The following NELL1 variants were observed in gnomAD, a reference collection of about 807,000 sequenced individuals.
NELL1 encodes the protein neural EGFL like 1, also known as protein kinase C-binding protein NELL1.
NELL1 carries 76 observed loss-of-function variants against 107.4 expected under a neutral mutation model. That is an observed-to-expected ratio of 0.71 (90% CI 0.59 to 0.86). The LOEUF (loss-of-function observed/expected upper bound fraction) is 0.86, where lower values mean the gene tolerates loss of function less well. NELL1 is among the 40% of genes least tolerant of loss of function. NELL1 has a pLI of 0.00. For synonymous variants in NELL1, 353 were observed against 341.2 expected (o/e 1.03, Z -0.38); for missense variants, 1,024 against 1,005.5 (o/e 1.02, Z -0.25).
At chr11:21,315,015 C>T (rs1343075712) in intron 14 of NELL1, among the ~76,000 whole-genome samples, 3 of 152,084 alleles carry the variant, frequency 2.0e-5, no homozygotes, top group African/African-American at 7.2e-5. Flanking sequence ...CACCACCACA[C>T]CCAGATAATT....
intron 14 of NELL1, among the ~76,000 whole-genome samples, chr11:21,264,102 G>GTGTGTGTGTGTGTT (rs1441799317): frequency 6.6e-6 from 1 of 151,596 alleles, no homozygotes; most frequent in East Asian, 1.9e-4. Flanking sequence ...GTGTGTTTGT[G>GTGTGTGTGTGTGTT]TGTCTGTCTG....
In NELL1 at chr11:20,909,868, G is replaced by A. The variant is rs1009773608; in HGVS notation, c.604-8314G>A. ...ATTATAATTTGTATTTTAAGTGCTAGGGTACATGTGCAGGATATTTTCCTG... is the reference window on the plus strand; with the variant it reads ...ATTATAATTTGTATTTTAAGTGCTAAGGTACATGTGCAGGATATTTTCCTG... On this transcript the variant is annotated intron_variant, in intron 5 of 19. Coordinates refer to ENST00000357134, the MANE Select transcript of NELL1 (RefSeq NM_006157.5). 3.0e-4 allele frequency among the ~76,000 whole-genome samples: 45 copies of A among 152,196 alleles called. 1 individual carries two copies. The highest frequency in any genetic ancestry group is 9.9e-4 in the African/African-American group (41 of 41,526).
chr11:21,199,165 A>C (rs1857213460), intron 13 of NELL1, among the ~76,000 whole-genome samples: 1 of 152,062 alleles, frequency 6.6e-6, no homozygotes, highest in Admixed American at 6.6e-5. Flanking sequence ...CCCTCTTCTT[A>C]TTCTTTCTTT....
chr11:21,285,406 G>A (rs1253614885), intron 14 of NELL1, among the ~76,000 whole-genome samples: 1 of 152,126 alleles, frequency 6.6e-6, no homozygotes, highest in African/African-American at 2.4e-5. Flanking sequence ...GTTAATTAGT[G>A]CAATAAACTT....
intron 14 of NELL1, among the ~76,000 whole-genome samples, chr11:21,282,917 C>T (rs1849029898): frequency 6.6e-6 from 1 of 151,954 alleles, no homozygotes; most frequent in Non-Finnish European, 1.5e-5. Flanking sequence ...TGAAATAAGC[C>T]AGGCACAGAA....
intron 13 of NELL1, among the ~76,000 whole-genome samples, chr11:21,219,461 T>C (rs954183660): frequency 2.6e-5 from 4 of 152,210 alleles, no homozygotes; most frequent in Non-Finnish European, 4.4e-5. Context: ...TCTTTCCCTG[T>C]GCAGAAGCAC....
chr11:20,670,411 G>T (rs1414418729), intron 1 of NELL1: 1 of 152,376 alleles, frequency 6.6e-6, no homozygotes, highest in African/African-American at 2.4e-5. Context: ...ATAGAGCAGT[G>T]GAGACAATCT....
intron 3 of NELL1, among the ~76,000 whole-genome samples, chr11:20,842,381 A>G (rs2134051134): frequency 6.6e-6 from 1 of 152,020 alleles, no homozygotes; most frequent in Non-Finnish European, 1.5e-5. Context: ...TAAAAAAAAA[A>G]AAAAAGAGCT....
intron 12 of NELL1, among the ~76,000 whole-genome samples, chr11:20,974,758 C>A (rs924613707): frequency 6.6e-6 from 1 of 152,132 alleles, no homozygotes; most frequent in African/African-American, 2.4e-5. Flanking sequence ...TTCTCTTACA[C>A]TGAAGGCTTC....
chr11:21,188,424 G>C (rs1856978867), intron 13 of NELL1, among the ~76,000 whole-genome samples: 1 of 151,706 alleles, frequency 6.6e-6, no homozygotes, highest in African/African-American at 2.4e-5. Context: ...TTATGTGTTG[G>C]CAATATCAGT....
chr11:21,342,416 G>GA (rs1229899964), intron 14 of NELL1, among the ~76,000 whole-genome samples: 1 of 148,802 alleles, frequency 6.7e-6, no homozygotes, highest in African/African-American at 2.5e-5. Context: ...TTAAGTGGGG[G>GA]GGGGGGTCAC....
rs1542339 is a variant in NELL1, at chr11:21,198,027, C to T, written c.1427-31305C>T. Among the ~76,000 whole-genome samples, 406 of 152,280 alleles carry T rather than the reference C, an allele frequency of 2.7e-3. 2 individuals carry two copies. The highest frequency in any genetic ancestry group is 9.2e-3 in the African/African-American group (384 of 41,554). ...GGATGGCTTGTATCTCTTTGATATC[C>T]GGACCTCAGTGGGGAAAACTTCAAG... On this transcript the variant is annotated intron_variant, in intron 13 of 19. Transcript: ENST00000357134.
At chr11:21,309,690 A>G (rs1002473165) in intron 14 of NELL1, among the ~76,000 whole-genome samples, 30 of 152,132 alleles carry the variant, frequency 2.0e-4, no homozygotes, top group Non-Finnish European at 3.4e-4. Context: ...AGGCCTCACA[A>G]TCACGGCAGA....
In NELL1 at chr11:21,560,395, T is replaced by C. The variant is rs1463540731; in HGVS notation, c.1980+13T>C. 6.5e-7 allele frequency: 1 copy of C among 1,549,720 alleles called. No individual in the cohort carries two copies. The highest frequency in any genetic ancestry group is 8.7e-7 in the Non-Finnish European group (1 of 1,151,150). On this transcript the variant is annotated intron_variant, in intron 17 of 19. Coordinates refer to ENST00000357134, the MANE Select transcript of NELL1 (RefSeq NM_006157.5). ...CTGCTCCTGCAAGGTGAGGCTGATGTGGTGCAGCAGAAATTGAAACTGTTC... is the reference window on the plus strand; with the variant it reads ...CTGCTCCTGCAAGGTGAGGCTGATGCGGTGCAGCAGAAATTGAAACTGTTC...
At chr11:20,997,650 T>C (rs922205280) in intron 12 of NELL1, among the ~76,000 whole-genome samples, 2 of 152,226 alleles carry the variant, frequency 1.3e-5, no homozygotes, top group African/African-American at 4.8e-5. Flanking sequence ...TTTACAACTT[T>C]TTTGTGTGTG....
chr11:20,961,547 A>G (rs1162526237), intron 12 of NELL1, among the ~76,000 whole-genome samples: 2 of 152,198 alleles, frequency 1.3e-5, no homozygotes, highest in Non-Finnish European at 2.9e-5. Context: ...CAGATAGGTC[A>G]GGTATTCTAA....
intron 2 of NELL1, among the ~76,000 whole-genome samples, chr11:20,755,865 G>GTTTTTTTTTTTTTTTT (rs574606148): frequency 1.6e-5 from 2 of 122,070 alleles, no homozygotes; most frequent in Non-Finnish European, 3.4e-5. Context: ...CAGACCTGCG[G>GTTTTTTTTTTTTTTTT]TTTTTTTTTT....
At chr11:21,284,887 G>T (rs1210466494) in intron 14 of NELL1, 2 of 268,662 alleles carry the variant, frequency 7.4e-6, no homozygotes, top group African/African-American at 4.4e-5. Flanking sequence ...GACCTTGGAG[G>T]CCAGGGTACC....
At chr11:21,462,187 T>C (rs894832321) in intron 15 of NELL1, among the ~76,000 whole-genome samples, 1 of 152,076 alleles carries the variant, frequency 6.6e-6, no homozygotes, top group African/African-American at 2.4e-5. Flanking sequence ...TGTAGTCTCA[T>C]ACAACTAGAA....
Sources: gnomAD v4.1 joint callset for allele counts (sites outside exome capture counted in the v4.1 genomes callset) on GRCh38, gnomAD v4.1.1 for gene constraint, MANE v1.5 for transcripts, NCBI Gene and HGNC (gene_info 2026-07-23, HGNC 2026-07-21) for gene names.